Variants in CRAMP1 observed in about 807,000 individuals in gnomAD.
CRAMP1 encodes cramped chromatin regulator 1, also known as protein cramped-like.
Under a neutral mutation model 115.4 loss-of-function variants are expected in CRAMP1, and 50 were observed. The ratio of observed to expected loss-of-function variants is 0.43; its 90% CI spans 0.35 to 0.55. CRAMP1 has a LOEUF of 0.55. Among genes scored for constraint, CRAMP1 ranks in the 20% least tolerant of loss-of-function variants. The pLI, the probability that CRAMP1 is intolerant of heterozygous loss-of-function variation, is 0.01. For synonymous variants in CRAMP1, 866 were observed against 745.4 expected (o/e 1.16, Z -2.64); for missense variants, 1,679 against 1,721.7 (o/e 0.98, Z 0.44).
rs759876089 is a variant in CRAMP1, at chr16:1,671,421, G to C, written c.3645+612G>C. Among the ~76,000 whole-genome samples, 17 of 152,202 alleles carry C rather than the reference G, an allele frequency of 1.1e-4. No individual in the cohort carries two copies. The highest frequency in any genetic ancestry group is 2.1e-4 in the Non-Finnish European group (14 of 68,040). Reference sequence around the variant, plus strand: ...ACGAGATGCAGCGTCCCTCTTTGTTGGCCAGGCCATCTGGTTGTAGCCCTC... The same window carrying C: ...ACGAGATGCAGCGTCCCTCTTTGTTCGCCAGGCCATCTGGTTGTAGCCCTC... On this transcript the variant is annotated intron_variant, in intron 20 of 20. Coordinates refer to ENST00000397412, the MANE Select transcript of CRAMP1 (RefSeq NM_020825.4). The surrounding 1 kb of genome is among the most constrained non-coding windows in gnomAD (Gnocchi z 5.0).
chr16:1,633,468 GTT>G (rs1368227267), intron 4 of CRAMP1, among the ~76,000 whole-genome samples: 1 of 152,268 alleles, frequency 6.6e-6, no homozygotes, highest in Admixed American at 6.5e-5. Context: ...CGCCGATGCG[GTT>G]TTGTTTGTTT....
Position 1,659,827 on chromosome 16 carries a change from C to T in CRAMP1, c.2236-59C>T, listed in dbSNP as rs548046806. On this transcript the variant is annotated intron_variant, in intron 10 of 20. Coordinates refer to ENST00000397412, the MANE Select transcript of CRAMP1 (RefSeq NM_020825.4). ...TTCTTGTGCCTCCTACTCCAGGGCA[C>T]GCAAGAGCCATTTCTCATGTGCTGA... The T allele has an allele frequency of 2.3e-5, 34 of 1,506,282 alleles. 1 individual carries two copies. In the Middle Eastern group the frequency reaches 6.8e-4, roughly 30 times the overall value. 93.3% of individuals were successfully genotyped at this position (1,506,282 alleles called of 1,614,324 possible).
chr16:1,613,919 A>T (rs939649016), intron 1 of CRAMP1, among the ~76,000 whole-genome samples: 1 of 152,092 alleles, frequency 6.6e-6, no homozygotes, highest in Admixed American at 6.5e-5. Flanking sequence ...GGAGCTGATT[A>T]TTCTTTATGT....
chr16:1,667,939 G>T, intron 17 of CRAMP1, 23 bp from the exon 18 acceptor site: 1 of 1,506,222 alleles, frequency 6.6e-7, no homozygotes, highest in Non-Finnish European at 9.1e-7. Context: ...GGTTGTGTCT[G>T]AAAAATACCT....
In CRAMP1 at chr16:1,630,811, G is replaced by A. The variant is rs537779670; in HGVS notation, c.541-1401G>A. On this transcript the variant is annotated intron_variant, in intron 3 of 20. Transcript: ENST00000397412. Reference sequence around the variant, plus strand: ...GTAGAATGTCCCTTGTGTCAGTTTGGGTTGATCTGCAGTTTCCTCATGATT... The same window carrying A: ...GTAGAATGTCCCTTGTGTCAGTTTGAGTTGATCTGCAGTTTCCTCATGATT... 3.9e-5 allele frequency among the ~76,000 whole-genome samples: 6 copies of A among 152,312 alleles called. No homozygotes were observed. The South Asian group carries it at 1.2e-3, about 32-fold the overall frequency.
At position 1,656,437 on chromosome 16, in the gene CRAMP1, C is replaced by T; in HGVS notation, c.1680C>T (p.Pro560=). ...AGGACGAGCTCTCGCTTCTAGACCC[C>T]TTGCCCCGCTACCTAAAGTCCTGTC... ...DLEDELSLLD[P]LPRYLKSCQD... Residue 560 remains proline, a synonymous_variant, in exon 10 of 21, where the codon CCC becomes CCT. Coordinates refer to ENST00000397412, the MANE Select transcript of CRAMP1 (RefSeq NM_020825.4). The surrounding 1 kb of genome is among the most constrained non-coding windows in gnomAD (Gnocchi z 5.6). 1 of 1,584,682 alleles carries T rather than the reference C, an allele frequency of 6.3e-7. No individual in the cohort carries two copies. Among genetic ancestry groups the T allele is most frequent in the Non-Finnish European group, 8.6e-7 (1 of 1,166,002 alleles).
At chr16:1,616,148 C>A (rs910739195) in intron 2 of CRAMP1, among the ~76,000 whole-genome samples, 7 of 152,156 alleles carry the variant, frequency 4.6e-5, no homozygotes, top group African/African-American at 9.7e-5. Context: ...TTAAAACTTG[C>A]CTCATATGAA....
chr16:1,663,617 C>G (rs2036850732), intron 13 of CRAMP1, among the ~76,000 whole-genome samples: 1 of 151,956 alleles, frequency 6.6e-6, no homozygotes, highest in Non-Finnish European at 1.5e-5. Context: ...TAATGTTTGC[C>G]CATTTGAACT....
At chr16:1,635,313 G>A (rs983732906) in intron 4 of CRAMP1, among the ~76,000 whole-genome samples, 5 of 152,204 alleles carry the variant, frequency 3.3e-5, no homozygotes, top group East Asian at 1.9e-4. Context: ...GACTGACTCC[G>A]CCCCCAGCTT....
chr16:1,619,119 T>G (rs2036444968), intron 2 of CRAMP1, among the ~76,000 whole-genome samples: 1 of 152,230 alleles, frequency 6.6e-6, no homozygotes, highest in African/African-American at 2.4e-5. Context: ...TTAACATCGT[T>G]GTATAAAGTG....
At chr16:1,625,153 T>C (rs1247147745) in intron 2 of CRAMP1, among the ~76,000 whole-genome samples, 1 of 152,152 alleles carries the variant, frequency 6.6e-6, no homozygotes, top group Non-Finnish European at 1.5e-5. Context: ...CCGCTCCCTC[T>C]GCGAGGAGGA....
rs1311724219 is a variant in CRAMP1, at chr16:1,677,778, T to C, written c.*3733T>C. On this transcript the variant is annotated 3_prime_UTR_variant, in exon 21 of 21. Transcript: ENST00000397412. ...ATATTGTAAATTATATTATTTATTC[T>C]TTACCAATTTTGGGAATAAAAGGTG... is the stretch of plus-strand genomic sequence containing the variant. 1 of 152,806 alleles carries C rather than the reference T, an allele frequency of 6.5e-6. No individual in the cohort carries two copies. The highest frequency in any genetic ancestry group is 2.4e-5 in the African/African-American group (1 of 41,486). The allele number at this position is 152,806 out of a possible 1,614,324, so 9.5% of individuals were successfully genotyped here.
At chr16:1,617,439 C>G (rs1177941018) in intron 2 of CRAMP1, among the ~76,000 whole-genome samples, 1 of 152,226 alleles carries the variant, frequency 6.6e-6, no homozygotes, top group Admixed American at 6.5e-5. Flanking sequence ...CTTTAGCTCA[C>G]CTTCCAGAAA....
chr16:1,630,525 C>A (rs2036540902), intron 3 of CRAMP1, among the ~76,000 whole-genome samples: 1 of 152,208 alleles, frequency 6.6e-6, no homozygotes, highest in Non-Finnish European at 1.5e-5. Context: ...TCCCCTCCAC[C>A]CTGCCTCCAC....
chr16:1,630,941 G>A (rs545346299), intron 3 of CRAMP1, among the ~76,000 whole-genome samples: 1 of 152,306 alleles, frequency 6.6e-6, no homozygotes, highest in African/African-American at 2.4e-5. Flanking sequence ...CGTCCTGGTG[G>A]TGTTTGCCTT....
chr16:1,673,780 C>T (rs1011246057), intron 20 of CRAMP1, 101 bp from the exon 21 acceptor site: 45 of 1,071,760 alleles, frequency 4.2e-5, no homozygotes, highest in Non-Finnish European at 4.8e-5. Flanking sequence ...CTTCCTGCAG[C>T]GGGAGTCGAT....
chr16:1,634,436 C>T (rs2036570316), intron 4 of CRAMP1, among the ~76,000 whole-genome samples: 2 of 152,138 alleles, frequency 1.3e-5, no homozygotes, highest in African/African-American at 4.8e-5. Context: ...AGGCCTCATT[C>T]CTCTTTGGCC....
At position 1,668,116 on chromosome 16, in the gene CRAMP1, A is replaced by T. The variant is rs755987546; in HGVS notation, c.3257A>T (p.Asp1086Val). Residue 1086 changes from aspartate (D) to valine (V), a missense_variant, in exon 18 of 21, where the codon GAT (aspartate) becomes GTT (valine). This residue lies in a region of CRAMP1 where 709 missense variants were observed against 741.9 expected (regional missense o/e 0.96). Transcript: ENST00000397412. ...ATCTCCCTGCCCGGCCCACCTGAGG[A>T]TGCGCTGTCACAGGGCGAGCCTGCC... ...LDISLPGPPE[D>V]ALSQGEPATH... 6.2e-7 allele frequency: 1 copy of T among 1,613,300 alleles called. No individual in the cohort carries two copies. Among genetic ancestry groups the T allele is most frequent in the Non-Finnish European group, 8.5e-7 (1 of 1,179,770 alleles).
At chr16:1,616,783 C>T (rs2036423968) in intron 2 of CRAMP1, among the ~76,000 whole-genome samples, 1 of 151,780 alleles carries the variant, frequency 6.6e-6, no homozygotes, top group African/African-American at 2.4e-5. Context: ...CTCCTCGTGA[C>T]ATATCCATTA....
Sources: gnomAD v4.1 joint callset for allele counts (sites outside exome capture counted in the v4.1 genomes callset) on GRCh38, gnomAD v4.1.1 for gene constraint, gnomAD v4.1.1 regional missense constraint, Gnocchi (gnomAD v3.1) non-coding constraint, MANE v1.5 for transcripts, NCBI Gene and HGNC (gene_info 2026-07-23, HGNC 2026-07-21) for gene names.